The following PTPRN2 variants were observed in gnomAD, a reference collection of about 807,000 sequenced individuals.
The protein encoded by PTPRN2 is protein tyrosine phosphatase receptor type N2.
A neutral mutation model predicts 118.8 loss-of-function variants in PTPRN2; 74 were observed. The ratio of observed to expected loss-of-function variants is 0.62; its 90% CI spans 0.52 to 0.76. PTPRN2 has a LOEUF of 0.76. Ranked by LOEUF, PTPRN2 falls within the 30% of genes least tolerant of loss-of-function variation. The pLI, the probability that PTPRN2 is intolerant of heterozygous loss-of-function variation, is 0.00. For missense variants in PTPRN2, 1,481 were observed against 1,394.4 expected, an observed-to-expected ratio of 1.06 and a Z score of -0.99; for synonymous variants, 641 against 608.0, an observed-to-expected ratio of 1.05 and a Z score of -0.80.
At chr7:158,144,284 C>A (rs1378234028) in intron 6 of PTPRN2, among the ~76,000 whole-genome samples, 2 of 152,038 alleles carry the variant, frequency 1.3e-5, no homozygotes, top group Non-Finnish European at 2.9e-5. Flanking sequence ...GTGCACAGGC[C>A]AGGGTATTCA....
At chr7:157,713,398 T>C (rs934614227) in intron 12 of PTPRN2, among the ~76,000 whole-genome samples, 1 of 152,230 alleles carries the variant, frequency 6.6e-6, no homozygotes, top group African/African-American at 2.4e-5. Flanking sequence ...ATTTAATTAA[T>C]AGCCTGTAAG....
chr7:157,568,042 C>T (rs1316594544), intron 21 of PTPRN2, among the ~76,000 whole-genome samples: 2 of 152,166 alleles, frequency 1.3e-5, no homozygotes, highest in African/African-American at 4.8e-5. Context: ...GTTGGGTATT[C>T]TGGAGACCAC....
intron 3 of PTPRN2, among the ~76,000 whole-genome samples, chr7:158,297,165 T>A (rs560771758): frequency 6.6e-6 from 1 of 152,348 alleles, no homozygotes; most frequent in South Asian, 2.1e-4. Flanking sequence ...CTTCTGCCAA[T>A]GGCTGGGCAT....
Position 158,438,079 on chromosome 7 carries a change from C to A in PTPRN2, c.163+51656G>T, listed in dbSNP as rs1315718324. Among the ~76,000 whole-genome samples the A allele has an allele frequency of 6.6e-6, 1 of 152,128 alleles. No individual in the cohort carries two copies. Among genetic ancestry groups the A allele is most frequent in the Non-Finnish European group, 1.5e-5 (1 of 68,014 alleles). On this transcript the variant is annotated intron_variant, in intron 2 of 22. Transcript: ENST00000389418. This position sits in a 1 kb window ranked among gnomAD's most constrained non-coding sequence, Gnocchi z 4.7. ...CCCTAACAGTGCCCCTCCGATGGGT[C>A]TTTTTTAAGTTTTTTTGGCCAGGGG...
At chr7:158,050,391 C>T (rs1293079594) in intron 11 of PTPRN2, among the ~76,000 whole-genome samples, 6 of 152,198 alleles carry the variant, frequency 3.9e-5, no homozygotes, top group African/African-American at 1.4e-4. Flanking sequence ...TCCAGATTTA[C>T]CAGTGACAAC....
At chr7:157,848,545 G>T (rs901314715) in intron 12 of PTPRN2, among the ~76,000 whole-genome samples, 1 of 152,218 alleles carries the variant, frequency 6.6e-6, no homozygotes, top group Non-Finnish European at 1.5e-5. Context: ...CTCTCATTCC[G>T]TTTGATTTGC....
chr7:157,589,157 C>T (rs770053497), intron 17 of PTPRN2, among the ~76,000 whole-genome samples: 7 of 152,170 alleles, frequency 4.6e-5, no homozygotes, highest in Admixed American at 1.3e-4. Context: ...TAGATTCATA[C>T]TAGGCTTCTA....
At chr7:158,164,345 G>GC (rs1438397252) in intron 6 of PTPRN2, among the ~76,000 whole-genome samples, 1 of 144,604 alleles carries the variant, frequency 6.9e-6, no homozygotes, top group Non-Finnish European at 1.5e-5. Context: ...GAGCAGGAGT[G>GC]GCGCGTAAGA....
chr7:158,292,929 G>A (rs1351497314), intron 3 of PTPRN2, among the ~76,000 whole-genome samples: 2 of 152,044 alleles, frequency 1.3e-5, no homozygotes, highest in Admixed American at 1.3e-4. Context: ...TTAGCCTGGC[G>A]AGGCAGCAGG....
intron 21 of PTPRN2, among the ~76,000 whole-genome samples, chr7:157,565,306 C>T (rs562038660): frequency 1.1e-4 from 17 of 152,310 alleles, no homozygotes; most frequent in Admixed American, 3.3e-4. Context: ...TTTAAAAGGT[C>T]GCTCCAGCAT....
At chr7:158,403,377 T>C (rs1363362754) in intron 2 of PTPRN2, among the ~76,000 whole-genome samples, 5 of 151,632 alleles carry the variant, frequency 3.3e-5, no homozygotes, top group Non-Finnish European at 7.4e-5. Flanking sequence ...CAGGCAGGAG[T>C]GGCAAGGATT....
rs73510583 is a variant in PTPRN2, at chr7:158,555,426, C to T, written c.112+32132G>A. Among the ~76,000 whole-genome samples, 2,097 of 152,316 alleles carry T rather than the reference C, an allele frequency of 0.014. 46 individuals carry two copies. The highest frequency in any genetic ancestry group is 0.043 in the African/African-American group (1,773 of 41,568). On this transcript the variant is annotated intron_variant, in intron 1 of 22. Coordinates refer to ENST00000389418, the MANE Select transcript of PTPRN2 (RefSeq NM_002847.5). The surrounding 1 kb of genome is among the most constrained non-coding windows in gnomAD (Gnocchi z 4.7). ...CCTCGCCCCCACCGCTCTGCCCTGC[C>T]TTCCTCGCTGAAACCTCCCAACACT... is the stretch of plus-strand genomic sequence containing the variant.
intron 6 of PTPRN2, among the ~76,000 whole-genome samples, chr7:158,151,407 T>C (rs62480238): frequency 0.17 from 977 of 5,826 alleles, no homozygotes; most frequent in East Asian, 0.28. Flanking sequence ...TATTCCTGCC[T>C]CTCCCTGCCC....
intron 2 of PTPRN2, among the ~76,000 whole-genome samples, chr7:158,407,183 CTGGGT>C (rs1563254402): frequency 0.056 from 1,151 of 20,704 alleles, 120 homozygotes; most frequent in Non-Finnish European, 0.096. Flanking sequence ...GTCCTGCGTC[CTGGGT>C]CCTGGGTCCT....
chr7:158,429,927 A>C (rs1816030117), intron 2 of PTPRN2, among the ~76,000 whole-genome samples: 1 of 152,110 alleles, frequency 6.6e-6, no homozygotes, highest in South Asian at 2.1e-4. Context: ...TTTTCTTTTG[A>C]GATGGAGTCT....
At chr7:158,143,937 C>G (rs915816522) in intron 6 of PTPRN2, among the ~76,000 whole-genome samples, 1 of 152,140 alleles carries the variant, frequency 6.6e-6, no homozygotes, top group Non-Finnish European at 1.5e-5. Flanking sequence ...GCCACCGTCC[C>G]CCCCGCAGCC....
intron 12 of PTPRN2, among the ~76,000 whole-genome samples, chr7:157,697,851 G>C (rs1353597747): frequency 7.1e-6 from 1 of 141,690 alleles, no homozygotes; most frequent in South Asian, 2.4e-4. Flanking sequence ...ACTGGATCTT[G>C]GCAGAGCCCT....
intron 11 of PTPRN2, among the ~76,000 whole-genome samples, chr7:157,951,138 C>T (rs1465132430): frequency 6.6e-6 from 1 of 152,096 alleles, no homozygotes; most frequent in Non-Finnish European, 1.5e-5. Context: ...AGGTGCCGTC[C>T]CCTGACCAAC....
At chr7:158,215,530 C>T (rs1229686600) in intron 3 of PTPRN2, among the ~76,000 whole-genome samples, 4 of 152,106 alleles carry the variant, frequency 2.6e-5, no homozygotes, top group African/African-American at 9.7e-5. Flanking sequence ...GCTAAGCATA[C>T]CCCAAACAGG....
Sources: allele counts gnomAD v4.1 joint callset (sites outside exome capture counted in the v4.1 genomes callset), GRCh38; gene constraint gnomAD v4.1.1; non-coding constraint Gnocchi (gnomAD v3.1); transcripts MANE v1.5; gene names NCBI Gene and HGNC (gene_info 2026-07-23, HGNC 2026-07-21).